The following TLL1 variants were observed in gnomAD, a reference collection of about 807,000 sequenced individuals.
TLL1 encodes the protein tolloid-like protein 1.
A neutral mutation model predicts 128.2 loss-of-function variants in TLL1; 49 were observed. That is an observed-to-expected ratio of 0.38 (90% CI 0.30 to 0.48). The LOEUF is 0.48. Among genes scored for constraint, TLL1 ranks in the 20% least tolerant of loss-of-function variants. The pLI is 0.96. For synonymous variants in TLL1, 454 were observed against 418.8 expected (o/e 1.08, Z -1.03); for missense variants, 1,123 against 1,242.0 (o/e 0.90, Z 1.44).
chr4:165,928,084 A>G (rs73860890), intron 1 of TLL1, among the ~76,000 whole-genome samples: 1 of 152,310 alleles, frequency 6.6e-6, no homozygotes, highest in African/African-American at 2.4e-5. Flanking sequence ...AAAGCCATGC[A>G]TTGTAACTGT....
intron 2 of TLL1, 102 bp from the exon 3 acceptor site, chr4:165,992,702 T>TA: frequency 1.8e-6 from 2 of 1,116,144 alleles, no homozygotes; most frequent in South Asian, 2.6e-5. Flanking sequence ...TAAGACCACA[T>TA]AAAAAATGAC....
intron 5 of TLL1, among the ~76,000 whole-genome samples, chr4:165,999,640 AT>A (rs34111701): frequency 0.44 from 64,036 of 145,234 alleles, 14,722 homozygotes; most frequent in East Asian, 0.66. Context: ...TAATTTTTGT[AT>A]TTTTTTTTTT....
At chr4:165,947,584 G>A (rs59421907) in intron 1 of TLL1, among the ~76,000 whole-genome samples, 1 of 152,064 alleles carries the variant, frequency 6.6e-6, no homozygotes, top group Non-Finnish European at 1.5e-5. Context: ...TGGAGAAAAG[G>A]CTAACGATAT....
At chr4:165,987,402 A>G (rs562051131) in intron 1 of TLL1, among the ~76,000 whole-genome samples, 1 of 152,236 alleles carries the variant, frequency 6.6e-6, no homozygotes, top group South Asian at 2.1e-4. Context: ...ATGCTGGAGC[A>G]TTAGTGTTTT....
chr4:165,876,832 G>C (rs974009056), intron 1 of TLL1, among the ~76,000 whole-genome samples: 11 of 152,200 alleles, frequency 7.2e-5, no homozygotes, highest in Non-Finnish European at 1.3e-4. Context: ...GGTTTACCAG[G>C]AGTCCAGACT....
chr4:166,099,158 G>A (rs1017947703), intron 19 of TLL1, 119 bp from the exon 20 acceptor site: 45 of 1,482,182 alleles, frequency 3.0e-5, no homozygotes, highest in Middle Eastern at 3.7e-4. Context: ...CATATCTGAC[G>A]CTGGAAGTAG....
chr4:165,874,186 G>T, intron 1 of TLL1, 113 bp downstream of exon 1: 2 of 1,306,144 alleles, frequency 1.5e-6, no homozygotes, highest in Admixed American at 1.7e-5. Context: ...CAGCCCCTCC[G>T]CCGCCCCTCC....
At chr4:165,926,322 A>C (rs1476126122) in intron 1 of TLL1, among the ~76,000 whole-genome samples, 1 of 152,204 alleles carries the variant, frequency 6.6e-6, no homozygotes, top group Non-Finnish European at 1.5e-5. Flanking sequence ...AGGATGGGGA[A>C]GATTTCTGGT....
At chr4:165,965,117 T>A (rs1447747259) in intron 1 of TLL1, among the ~76,000 whole-genome samples, 2 of 152,116 alleles carry the variant, frequency 1.3e-5, no homozygotes, top group Admixed American at 1.3e-4. Flanking sequence ...ACTGCATTTT[T>A]AGTCTGTCCT....
At chr4:165,952,549 A>G (rs540018831) in intron 1 of TLL1, among the ~76,000 whole-genome samples, 2 of 152,224 alleles carry the variant, frequency 1.3e-5, no homozygotes, top group Non-Finnish European at 2.9e-5. Context: ...TTTCCCTTGC[A>G]TCTCACAGAT....
intron 1 of TLL1, among the ~76,000 whole-genome samples, chr4:165,962,818 CA>C (rs1434381833): frequency 3.3e-5 from 5 of 151,782 alleles, no homozygotes. Flanking sequence ...AACAGAAAAC[CA>C]AATACCAAAT....
chr4:165,942,899 T>C (rs887493683), intron 1 of TLL1, among the ~76,000 whole-genome samples: 1 of 151,980 alleles, frequency 6.6e-6, no homozygotes, highest in Non-Finnish European at 1.5e-5. Flanking sequence ...AAATGTGTAG[T>C]TTATCACTGG....
At chr4:166,084,322 T>G (rs577891597) in intron 18 of TLL1, among the ~76,000 whole-genome samples, 2 of 152,192 alleles carry the variant, frequency 1.3e-5, no homozygotes, top group East Asian at 3.9e-4. Context: ...TATTTTCTCC[T>G]ATTCTGTAGG....
intron 1 of TLL1, among the ~76,000 whole-genome samples, chr4:165,905,793 G>T (rs796941756): frequency 1.2e-4 from 19 of 152,296 alleles, no homozygotes; most frequent in African/African-American, 4.3e-4. Context: ...TGAAGAGAAG[G>T]TGTCTGAATG....
At chr4:166,063,041 G>A (rs1013575513) in intron 15 of TLL1, among the ~76,000 whole-genome samples, 1 of 152,104 alleles carries the variant, frequency 6.6e-6, no homozygotes, top group African/African-American at 2.4e-5. Flanking sequence ...GCTAACATCA[G>A]AGTGAACAGG....
At chr4:165,966,179 A>C (rs1735362634) in intron 1 of TLL1, among the ~76,000 whole-genome samples, 1 of 4,010 alleles carries the variant, frequency 2.5e-4, no homozygotes, top group African/African-American at 1.1e-3. Context: ...CTCCATCTCA[A>C]AAAAAAAAAA....
At chr4:165,965,075 C>T (rs1503295) in intron 1 of TLL1, among the ~76,000 whole-genome samples, 92,525 of 151,840 alleles carry the variant, frequency 0.61, 29,670 homozygotes, top group Admixed American at 0.73. Flanking sequence ...TTGATGTTAT[C>T]TGGTTATGTT....
intron 1 of TLL1, among the ~76,000 whole-genome samples, chr4:165,981,695 C>T (rs906631667): frequency 1.3e-5 from 2 of 151,982 alleles, no homozygotes; most frequent in African/African-American, 2.4e-5. Context: ...ACAACACTGG[C>T]GGATTACTTA....
intron 1 of TLL1, among the ~76,000 whole-genome samples, chr4:165,955,029 C>T (rs1454985263): frequency 1.3e-5 from 2 of 151,952 alleles, no homozygotes; most frequent in Non-Finnish European, 2.9e-5. Flanking sequence ...CCATGTAAGC[C>T]ACTAAAATGA....
Sources: allele counts gnomAD v4.1 joint callset (sites outside exome capture counted in the v4.1 genomes callset), GRCh38; gene constraint gnomAD v4.1.1; transcripts MANE v1.5; gene names NCBI Gene and HGNC (gene_info 2026-07-23, HGNC 2026-07-21).